The following PHLDB2 variants were observed in gnomAD, a reference collection of about 807,000 sequenced individuals.
The protein encoded by PHLDB2 is pleckstrin homology like domain family B member 2.
Under a neutral mutation model 123.6 loss-of-function variants are expected in PHLDB2, and 71 were observed. That is an observed-to-expected ratio of 0.57 (90% CI 0.47 to 0.70). The LOEUF is 0.70. PHLDB2 is among the 30% of genes least tolerant of loss of function. The pLI is 0.00. For missense variants in PHLDB2, 1,446 were observed against 1,519.5 expected (o/e 0.95, Z 0.80); for synonymous variants, 547 against 541.6 (o/e 1.01, Z -0.14).
At chr3:111,813,387 G>C (rs1412071807) in intron 1 of PHLDB2, among the ~76,000 whole-genome samples, 1 of 151,986 alleles carries the variant, frequency 6.6e-6, no homozygotes, top group Admixed American at 6.6e-5. Flanking sequence ...AGTATATTTA[G>C]TTTCCCCCTC....
At chr3:111,861,262 A>T (rs1370403849) in intron 1 of PHLDB2, among the ~76,000 whole-genome samples, 1 of 152,250 alleles carries the variant, frequency 6.6e-6, no homozygotes, top group Non-Finnish European at 1.5e-5. Context: ...TTTGAAAAGT[A>T]ACAGTTCTGT....
intron 3 of PHLDB2, among the ~76,000 whole-genome samples, chr3:111,918,454 T>A (rs558846411): frequency 1.3e-5 from 2 of 152,358 alleles, no homozygotes; most frequent in African/African-American, 4.8e-5. Context: ...ATTAATTTAA[T>A]ACTGAGTGTG....
intron 1 of PHLDB2, among the ~76,000 whole-genome samples, chr3:111,862,097 C>A (rs2064860471): frequency 1.3e-5 from 2 of 152,240 alleles, no homozygotes; most frequent in Non-Finnish European, 2.9e-5. Context: ...CTGCCTTGGC[C>A]TCCCAAAGTA....
At chr3:111,788,400 C>G (rs1482431903) in intron 1 of PHLDB2, among the ~76,000 whole-genome samples, 2 of 152,118 alleles carry the variant, frequency 1.3e-5, no homozygotes, top group Non-Finnish European at 2.9e-5. Flanking sequence ...CTATTTAACA[C>G]CAAGGCCTTT....
At chr3:111,854,780 G>C (rs1258404394), upstream of PHLDB2, among the ~76,000 whole-genome samples, 1 of 152,178 alleles carries the variant, frequency 6.6e-6, no homozygotes, top group African/African-American at 2.4e-5. Context: ...TTCTCAGAAA[G>C]AAACATTTAA....
intron 1 of PHLDB2, 188 bp downstream of exon 1, chr3:111,859,764 C>T (rs962863459): frequency 2.0e-6 from 2 of 984,362 alleles, no homozygotes; most frequent in Non-Finnish European, 2.4e-6. Context: ...CTGCTCACCG[C>T]GAGTCAGGAG....
intron 1 of PHLDB2, among the ~76,000 whole-genome samples, chr3:111,864,950 A>G (rs2064996808): frequency 6.6e-6 from 1 of 152,238 alleles, no homozygotes; most frequent in African/African-American, 2.4e-5. Context: ...AGATGGCAGT[A>G]TGTTCATGGA....
In PHLDB2 at chr3:111,966,625, A is replaced by G. The variant is rs1186070339; in HGVS notation, c.3090A>G (p.Ser1030=). The change falls in exon 14 of 18, where the codon TCA becomes TCG. Residue 1030 remains serine (S), a synonymous_variant. Coordinates refer to ENST00000431670, the MANE Select transcript of PHLDB2 (RefSeq NM_001134438.2). ...GTGTTTCATTCAGTGCCAGCACTTC[A>G]AATATTGCTAGAATAGAAGAAATGG... ...SPDNISSAST[S]NIARIEEMER... 1.9e-6 allele frequency: 3 copies of G among 1,612,966 alleles called. No individual in the cohort carries two copies.
At chr3:111,875,981 G>C (rs575788679) in intron 1 of PHLDB2, among the ~76,000 whole-genome samples, 2 of 151,778 alleles carry the variant, frequency 1.3e-5, no homozygotes, top group Non-Finnish European at 2.9e-5. Flanking sequence ...TATGAGAGAG[G>C]TAAGTTAAGT....
chr3:111,896,562 G>A (rs2066883293), intron 2 of PHLDB2, among the ~76,000 whole-genome samples: 2 of 152,082 alleles, frequency 1.3e-5, no homozygotes. Flanking sequence ...TGTTGGCCAG[G>A]CTGGTCTGGA....
At chr3:111,900,392 T>A (rs1391055819) in intron 2 of PHLDB2, among the ~76,000 whole-genome samples, 1 of 152,206 alleles carries the variant, frequency 6.6e-6, no homozygotes, top group Non-Finnish European at 1.5e-5. Context: ...AAGTGTGAGA[T>A]CTGTAACTCT....
At chr3:111,906,633 G>A (rs1001333962) in intron 2 of PHLDB2, among the ~76,000 whole-genome samples, 14 of 152,194 alleles carry the variant, frequency 9.2e-5, no homozygotes, top group African/African-American at 3.4e-4. Flanking sequence ...TCAATGACTG[G>A]TAAATGCTGT....
chr3:111,743,545 G>A (rs554511968), intron 1 of PHLDB2, among the ~76,000 whole-genome samples: 1 of 152,152 alleles, frequency 6.6e-6, no homozygotes, highest in Non-Finnish European at 1.5e-5. Context: ...AAGTAGCAGT[G>A]AGATCTTCTG....
chr3:111,968,795 G>C (rs1388629), intron 15 of PHLDB2, among the ~76,000 whole-genome samples: 128,721 of 152,190 alleles, frequency 0.85, 54,886 homozygotes, highest in Middle Eastern at 0.92. Context: ...CATGCCCAAC[G>C]CTCTGCCAAA....
chr3:111,940,673 A>G, intron 8 of PHLDB2, 28 bp downstream of exon 8: 1 of 1,362,096 alleles, frequency 7.3e-7, no homozygotes, highest in Non-Finnish European at 1.0e-6. Flanking sequence ...AGCACTGGCT[A>G]CAGTAAAACA....
In PHLDB2 at chr3:111,875,677, G is replaced by T. The variant is rs374137787; in HGVS notation, c.-14-8387G>T. Among the ~76,000 whole-genome samples the T allele has an allele frequency of 5.3e-4, 80 of 151,490 alleles. 2 individuals carry two copies. In the East Asian group the frequency reaches 0.015, roughly 28 times the overall value. On this transcript the variant is annotated intron_variant, in intron 1 of 17. Coordinates refer to ENST00000431670, the MANE Select transcript of PHLDB2 (RefSeq NM_001134438.2). Reference sequence around the variant, plus strand: ...GTTTCTACTAAAAATACAAAAATTAGCCAGGCATGGTGGTACACACCTGTA... The same window carrying T: ...GTTTCTACTAAAAATACAAAAATTATCCAGGCATGGTGGTACACACCTGTA...
chr3:111,946,479 A>G (rs991179564), intron 9 of PHLDB2, among the ~76,000 whole-genome samples: 4 of 152,278 alleles, frequency 2.6e-5, no homozygotes, highest in African/African-American at 9.6e-5. Flanking sequence ...ATGAAACAAA[A>G]TGCTCATCAC....
chr3:111,744,330 T>C (rs961961988), intron 1 of PHLDB2, among the ~76,000 whole-genome samples: 8 of 152,214 alleles, frequency 5.3e-5, no homozygotes. Flanking sequence ...TTCCGCACAT[T>C]GCTGCTGGTG....
chr3:111,786,442 C>T (rs574214778), intron 1 of PHLDB2, among the ~76,000 whole-genome samples: 1 of 152,294 alleles, frequency 6.6e-6, no homozygotes, highest in East Asian at 1.9e-4. Context: ...CAAGTTTGTA[C>T]AGGAGATCCT....
Sources: gnomAD v4.1 joint callset for allele counts (sites outside exome capture counted in the v4.1 genomes callset) on GRCh38, gnomAD v4.1.1 for gene constraint, MANE v1.5 for transcripts, NCBI Gene and HGNC (gene_info 2026-07-23, HGNC 2026-07-21) for gene names.